MAD1L1: variants seen among roughly 807,000 people sequenced by gnomAD.
The protein encoded by MAD1L1 is mitotic spindle assembly checkpoint protein MAD1.
In MAD1L1, 95 loss-of-function variants were observed where a neutral mutation model predicts 96.9. The observed-to-expected ratio is 0.98, with a 90% CI of 0.83 to 1.16. MAD1L1 has a LOEUF of 1.16. MAD1L1 is among the 50% of genes most tolerant of loss of function. The pLI, the probability that MAD1L1 is intolerant of heterozygous loss-of-function variation, is 0.00. For synonymous variants in MAD1L1, 473 were observed against 396.6 expected (o/e 1.19, Z -2.29); for missense variants, 1,007 against 954.4 (o/e 1.06, Z -0.73).
chr7:2,225,696 C>T (rs776198807), intron 3 of MAD1L1, 146 bp from the exon 4 acceptor site: 3 of 846,906 alleles, frequency 3.5e-6, no homozygotes, highest in Non-Finnish European at 5.4e-6. Context: ...CACTGGGCTC[C>T]AGGCTGGGGA....
At chr7:2,190,143 G>A (rs1791650086) in intron 10 of MAD1L1, among the ~76,000 whole-genome samples, 1 of 152,206 alleles carries the variant, frequency 6.6e-6, no homozygotes, top group African/African-American at 2.4e-5. Context: ...GGCTTACTAT[G>A]TTCTTTCAAA....
rs1477802096 is a variant in MAD1L1, at chr7:1,859,147, G to T, written c.1998+39053C>A. On this transcript the variant is annotated intron_variant, in intron 18 of 18. Coordinates refer to ENST00000265854, the MANE Select transcript of MAD1L1 (RefSeq NM_001013836.2). Reference sequence around the variant, plus strand: ...AACCCCACACGCAGGAGGGCCAGATGCCTGAGAGAGGCAGTGGGAGATGGC... The same window carrying T: ...AACCCCACACGCAGGAGGGCCAGATTCCTGAGAGAGGCAGTGGGAGATGGC... 2.0e-5 allele frequency among the ~76,000 whole-genome samples: 3 copies of T among 152,100 alleles called. No individual in the cohort carries two copies. In the East Asian group the frequency reaches 5.8e-4, roughly 29 times the overall value.
chr7:1,970,140 G>A (rs116120981), intron 15 of MAD1L1, among the ~76,000 whole-genome samples: 202 of 152,254 alleles, frequency 1.3e-3, no homozygotes, highest in African/African-American at 4.4e-3. Flanking sequence ...GGAAAAAGCC[G>A]AGCCGCAGAG....
intron 18 of MAD1L1, among the ~76,000 whole-genome samples, chr7:1,819,356 T>C (rs1782002577): frequency 1.3e-5 from 2 of 152,086 alleles, no homozygotes; most frequent in African/African-American, 4.8e-5. Context: ...ATAGCGGCCC[T>C]GTGGCTGGCG....
chr7:2,159,763 A>C lies in MAD1L1; in HGVS notation c.987-10525T>G, dbSNP rs539788964. On this transcript the variant is annotated intron_variant, in intron 10 of 18. Transcript: ENST00000265854. The stretch of plus-strand genomic sequence containing the variant: ...ACAGGTTAAATGTCGTAGTCTATCC[A>C]TACAATGGAACTTGTGTAAGAGGAA... Among the ~76,000 whole-genome samples the C allele has an allele frequency of 2.0e-5, 3 of 152,366 alleles. No individual in the cohort carries two copies. The South Asian group carries it at 6.2e-4, about 32-fold the overall frequency.
chr7:1,957,157 G>A (rs756390627), intron 16 of MAD1L1, among the ~76,000 whole-genome samples: 40 of 152,198 alleles, frequency 2.6e-4, no homozygotes, highest in Non-Finnish European at 4.3e-4. Context: ...TCCTCCCATC[G>A]TCAGAAACTG....
At chr7:1,987,700 C>T (rs1781219961) in intron 14 of MAD1L1, among the ~76,000 whole-genome samples, 1 of 152,220 alleles carries the variant, frequency 6.6e-6, no homozygotes, top group South Asian at 2.1e-4. Context: ...GCAGCCCCGG[C>T]TCCACGTCTT....
chr7:2,222,692 G>A lies in MAD1L1; in HGVS notation c.354C>T (p.Ala118=), dbSNP rs376503792. 3.0e-5 allele frequency: 49 copies of A among 1,611,732 alleles called. No individual in the cohort carries two copies. The highest frequency in any genetic ancestry group is 3.8e-5 in the Non-Finnish European group (45 of 1,179,832). ...TRIRQLQERE[A]GAEEKMQEQL... ...GCTCCTGCATCTTCTCCTCCGCCCC[G>A]GCCTCCCGCTCCTGAAGCTGCCGGA... The change falls in exon 5 of 19, where the codon GCC becomes GCT. Residue 118 remains alanine (A), a synonymous_variant. Transcript: ENST00000265854.
intron 10 of MAD1L1, among the ~76,000 whole-genome samples, chr7:2,191,659 A>G (rs1791724394): frequency 6.6e-6 from 1 of 152,074 alleles, no homozygotes; most frequent in East Asian, 1.9e-4. Flanking sequence ...TGAGCCCAGG[A>G]GGCAGAGACT....
chr7:2,033,727 A>G (rs10280870), intron 12 of MAD1L1, among the ~76,000 whole-genome samples: 29,083 of 152,160 alleles, frequency 0.19, 5,481 homozygotes, highest in African/African-American at 0.49. Context: ...CTGGGACAGC[A>G]GTCACGGGCG....
chr7:2,219,973 C>A (rs371489645), intron 5 of MAD1L1, among the ~76,000 whole-genome samples: 2 of 152,134 alleles, frequency 1.3e-5, no homozygotes, highest in South Asian at 2.1e-4. Flanking sequence ...TGTGCCAGTG[C>A]CCCACGCTCC....
chr7:1,827,888 G>T (rs1206353415), intron 18 of MAD1L1, among the ~76,000 whole-genome samples: 2 of 152,216 alleles, frequency 1.3e-5, no homozygotes, highest in Non-Finnish European at 2.9e-5. Context: ...GACGTCAGCG[G>T]CCTCTGCGCC....
chr7:2,002,489 T>C (rs1781843163), intron 13 of MAD1L1, among the ~76,000 whole-genome samples: 1 of 152,178 alleles, frequency 6.6e-6, no homozygotes, highest in Non-Finnish European at 1.5e-5. Flanking sequence ...AGCATGGGAC[T>C]TTCAGTCAGA....
At chr7:2,122,153 G>A (rs1162980562) in intron 11 of MAD1L1, among the ~76,000 whole-genome samples, 4 of 152,230 alleles carry the variant, frequency 2.6e-5, no homozygotes, top group African/African-American at 4.8e-5. Context: ...ATCACCAAGA[G>A]AGGTCGGAGC....
chr7:1,860,647 C>T (rs1011270482), intron 18 of MAD1L1, among the ~76,000 whole-genome samples: 35 of 152,282 alleles, frequency 2.3e-4, no homozygotes, highest in African/African-American at 7.9e-4. Context: ...GGTGCCTAAC[C>T]GAGGGCAGGG....
intron 17 of MAD1L1, among the ~76,000 whole-genome samples, chr7:1,914,070 C>T (rs1452405604): frequency 2.6e-5 from 4 of 152,176 alleles, no homozygotes; most frequent in East Asian, 1.9e-4. Context: ...GCCCAGGCAC[C>T]GCGTCCAGGT....
intron 10 of MAD1L1, among the ~76,000 whole-genome samples, chr7:2,163,665 A>T (rs1790275783): frequency 6.6e-6 from 1 of 152,122 alleles, no homozygotes; most frequent in South Asian, 2.1e-4. Flanking sequence ...GAGCCACAGA[A>T]GCACACTTTT....
intron 13 of MAD1L1, among the ~76,000 whole-genome samples, chr7:2,014,121 G>A (rs1358347532): frequency 1.3e-5 from 2 of 152,196 alleles, no homozygotes; most frequent in African/African-American, 4.8e-5. Flanking sequence ...CTAGAGCCCT[G>A]GCAACAACTC....
chr7:2,216,282 C>G lies in MAD1L1; in HGVS notation c.684G>C (p.Leu228=). The change falls in exon 8 of 19, where the codon CTG becomes CTC. Residue 228 remains leucine (L), a synonymous_variant. Coordinates refer to ENST00000265854, the MANE Select transcript of MAD1L1 (RefSeq NM_001013836.2). ...RADHEQQIKD[L]EQKLSLQEQD... Reference sequence around the variant, plus strand: ...GCTCTTGCAGGGACAGCTTCTGCTCCAGATCCTGATGGAGGCCAGGGACAG... The same window carrying G: ...GCTCTTGCAGGGACAGCTTCTGCTCGAGATCCTGATGGAGGCCAGGGACAG... 6.2e-7 allele frequency: 1 copy of G among 1,613,626 alleles called. No homozygotes were observed. The highest frequency in any genetic ancestry group is 8.5e-7 in the Non-Finnish European group (1 of 1,179,908).
Sources: allele counts gnomAD v4.1 joint callset (sites outside exome capture counted in the v4.1 genomes callset), GRCh38; gene constraint gnomAD v4.1.1; transcripts MANE v1.5; gene names NCBI Gene and HGNC (gene_info 2026-07-23, HGNC 2026-07-21).